The following LRRC27 variants were observed in gnomAD, a reference collection of about 807,000 sequenced individuals.
LRRC27 encodes the protein leucine rich repeat containing 27, also known as leucine-rich repeat-containing protein 27.
A neutral mutation model predicts 55.0 loss-of-function variants in LRRC27; 57 were observed. That is an observed-to-expected ratio of 1.04 (90% CI 0.84 to 1.29). The LOEUF is 1.29. Ranked by LOEUF, LRRC27 falls within the 50% of genes most tolerant of loss-of-function variation. The probability of loss-of-function intolerance (pLI) is 0.00; values close to 1 mark genes in which losing one functional copy is unlikely to be tolerated. For missense variants in LRRC27, 721 were observed against 651.5 expected (o/e 1.11, Z -1.16); for synonymous variants, 278 against 251.9 (o/e 1.10, Z -0.98).
At chr10:132,345,735 A>G (rs1013519777) in intron 5 of LRRC27, among the ~76,000 whole-genome samples, 5 of 152,206 alleles carry the variant, frequency 3.3e-5, no homozygotes, top group African/African-American at 9.6e-5. Flanking sequence ...CAGCTGGGAC[A>G]AGGATGGAGG....
upstream of LRRC27, chr10:132,330,136 T>C: frequency 2.9e-6 from 1 of 340,720 alleles, no homozygotes; most frequent in Non-Finnish European, 5.6e-6. Context: ...AGGCTACCAA[T>C]GGATACAATC....
At chr10:132,346,952 G>A (rs1239100647) in intron 5 of LRRC27, among the ~76,000 whole-genome samples, 6 of 152,206 alleles carry the variant, frequency 3.9e-5, no homozygotes, top group Non-Finnish European at 5.9e-5. Flanking sequence ...ATGTCCATGC[G>A]CCTGTGTCCA....
At chr10:132,333,358 G>A (rs1590570368) in intron 1 of LRRC27, 119 bp from the exon 2 acceptor site, 2 of 418,268 alleles carry the variant, frequency 4.8e-6, no homozygotes, top group East Asian at 7.2e-5. Context: ...TTTTGCTACT[G>A]CTTAGGAAAA....
At chr10:132,343,873 G>A (rs1261851225) in intron 4 of LRRC27, among the ~76,000 whole-genome samples, 1 of 152,222 alleles carries the variant, frequency 6.6e-6, no homozygotes, top group Non-Finnish European at 1.5e-5. Context: ...AGCCTGGGGA[G>A]TGAGCCAGCC....
chr10:132,337,515 A>G, intron 2 of LRRC27, 50 bp from the exon 3 acceptor site: 2 of 1,604,468 alleles, frequency 1.2e-6, no homozygotes, highest in Middle Eastern at 3.3e-4. Context: ...ATCATGTTTT[A>G]CAAATTAGTT....
At chr10:132,365,601 G>C (rs1305482545) in intron 10 of LRRC27, 51 bp downstream of exon 10, 1 of 1,592,508 alleles carries the variant, frequency 6.3e-7, no homozygotes, top group Non-Finnish European at 8.5e-7. Flanking sequence ...TTTTTGTTTT[G>C]TTTTGTTTTT....
intron 10 of LRRC27, among the ~76,000 whole-genome samples, chr10:132,369,701 ACT>A (rs1434359844): frequency 6.6e-6 from 1 of 152,078 alleles, no homozygotes; most frequent in Non-Finnish European, 1.5e-5. Context: ...TCGACTGTGG[ACT>A]CTGAGTGGTG....
At chr10:132,352,465 CTG>C (rs2068088379) in intron 7 of LRRC27, among the ~76,000 whole-genome samples, 1 of 66,238 alleles carries the variant, frequency 1.5e-5, no homozygotes, top group East Asian at 4.5e-4. Context: ...GGGGCAGGCG[CTG>C]AGGCCTCCGT....
chr10:132,372,349 C>T lies in LRRC27; in HGVS notation c.1417-2717C>T, dbSNP rs2069239801. Reference sequence around the variant, plus strand: ...TGGGAGGCCAAGGCAGGTGAATCACCTGAGGTCAGGAGTTTGAGACCAACC... The same window carrying T: ...TGGGAGGCCAAGGCAGGTGAATCACTTGAGGTCAGGAGTTTGAGACCAACC... On this transcript the variant is annotated intron_variant, in intron 10 of 10. Coordinates refer to ENST00000368614, the MANE Select transcript of LRRC27 (RefSeq NM_030626.3). The surrounding 1 kb of genome is among the most constrained non-coding windows in gnomAD (Gnocchi z 4.0). Among the ~76,000 whole-genome samples, 1 of 152,214 alleles carries T rather than the reference C, an allele frequency of 6.6e-6. No homozygotes were observed. The highest frequency in any genetic ancestry group is 1.5e-5 in the Non-Finnish European group (1 of 68,036).
chr10:132,355,761 C>A, intron 7 of LRRC27, 29 bp from the exon 8 acceptor site: 2 of 1,502,684 alleles, frequency 1.3e-6, no homozygotes, highest in Non-Finnish European at 1.8e-6. Flanking sequence ...CTGCCTGTAA[C>A]TTATGACATT....
rs1590740819 is a variant in LRRC27 at position 132,374,575 on chromosome 10, T to C, written c.1417-491T>C. ...TTCCTTCTCCTGTAGGAACCCCTGA[T>C]CCACAGCTTCTGTGTCTGTGGGGTG... On this transcript the variant is annotated intron_variant, in intron 10 of 10. Transcript: ENST00000368614. This position sits in a 1 kb window ranked among gnomAD's most constrained non-coding sequence, Gnocchi z 4.4. Among the ~76,000 whole-genome samples, 1 of 152,334 alleles carries C rather than the reference T, an allele frequency of 6.6e-6. No individual in the cohort carries two copies. Among genetic ancestry groups the C allele is most frequent in the East Asian group, 1.9e-4 (1 of 5,184 alleles).
intron 10 of LRRC27, among the ~76,000 whole-genome samples, chr10:132,373,951 C>G (rs1409098666): frequency 1.3e-5 from 2 of 152,224 alleles, no homozygotes; most frequent in African/African-American, 2.4e-5. Flanking sequence ...AATTCGTTAT[C>G]AATGACTACT....
Position 132,337,571 on chromosome 10 carries a change from C to T in LRRC27, c.217C>T (p.His73Tyr), listed in dbSNP as rs1193728149. The T allele has an allele frequency of 6.2e-7, 1 of 1,612,610 alleles. No individual in the cohort carries two copies. The highest frequency in any genetic ancestry group is 8.5e-7 in the Non-Finnish European group (1 of 1,179,498). ...VFRIPSLQQL[H>Y]LQRNALCVIP... Reference sequence around the variant, plus strand: ...ATTCTCTTTTCCATGGAAGCAATTGCATCTGCAAAGGAATGCCCTGTGTGT... The same window carrying T: ...ATTCTCTTTTCCATGGAAGCAATTGTATCTGCAAAGGAATGCCCTGTGTGT... Residue 73 changes from histidine to tyrosine, a missense_variant, in exon 3 of 11, where the codon CAT becomes TAT. His to Tyr is a moderately conservative substitution (Grantham distance 83). Coordinates refer to ENST00000368614, the MANE Select transcript of LRRC27 (RefSeq NM_030626.3).
chr10:132,364,705 C>T lies in LRRC27; in HGVS notation c.1290-719C>T, dbSNP rs1276305152. Among the ~76,000 whole-genome samples, 9 of 37,348 alleles carry T rather than the reference C, an allele frequency of 2.4e-4. 2 individuals carry two copies. Among genetic ancestry groups the T allele is most frequent in the Admixed American group, 4.8e-4 (1 of 2,086 alleles). The allele number at this position is 37,348 out of a possible 152,430, so 24.5% of individuals were successfully genotyped here. On this transcript the variant is annotated intron_variant, in intron 9 of 10. Transcript: ENST00000368614. Reference sequence around the variant, plus strand: ...ACACCCACGTCCACACCGTGGGGCCCCACACTCATGCAGTCCGCGTCCACA... The same window carrying T: ...ACACCCACGTCCACACCGTGGGGCCTCACACTCATGCAGTCCGCGTCCACA...
chr10:132,333,651 A>G lies in LRRC27; in HGVS notation c.127A>G (p.Ile43Val), dbSNP rs778774055. The change falls in exon 2 of 11, where the codon ATC (isoleucine) becomes GTC (valine). Residue 43 changes from isoleucine to valine, a missense_variant. By Grantham distance (29) the Ile-to-Val change is conservative. Coordinates refer to ENST00000368614, the MANE Select transcript of LRRC27 (RefSeq NM_030626.3). ...KDVHKGVGGI[I>V]FSSSPILDLS... ...TGTTCACAAGGGTGTTGGAGGCATC[A>G]TCTTTTCCTCCTCACCGATTTTAGA... is the stretch of plus-strand genomic sequence containing the variant. 7.4e-6 allele frequency: 12 copies of G among 1,613,636 alleles called. No homozygotes were observed. The highest frequency in any genetic ancestry group is 1.0e-5 in the Non-Finnish European group (12 of 1,180,008).
At chr10:132,360,853 G>T (rs953763726) in intron 8 of LRRC27, among the ~76,000 whole-genome samples, 1 of 152,200 alleles carries the variant, frequency 6.6e-6, no homozygotes, top group African/African-American at 2.4e-5. Context: ...GTTTCTGACA[G>T]TCCCCGGGAA....
chr10:132,353,409 T>C, intron 7 of LRRC27: 1 of 1,028,500 alleles, frequency 9.7e-7, no homozygotes, highest in Non-Finnish European at 1.2e-6. Context: ...CCGTTGTGTG[T>C]GTGCTGTTTT....
chr10:132,373,571 G>T (rs1012909877), intron 10 of LRRC27, among the ~76,000 whole-genome samples: 4 of 152,202 alleles, frequency 2.6e-5, no homozygotes, highest in African/African-American at 4.8e-5. Flanking sequence ...AAGGTCAGGG[G>T]TCAGCACACA....
intron 10 of LRRC27, among the ~76,000 whole-genome samples, chr10:132,366,121 CCTG>C (rs2069067252): frequency 6.6e-6 from 1 of 152,232 alleles, no homozygotes; most frequent in Non-Finnish European, 1.5e-5. Flanking sequence ...GGAGTGGCAG[CCTG>C]CTGACAGGGA....
Sources: gnomAD v4.1 joint callset for allele counts (sites outside exome capture counted in the v4.1 genomes callset) on GRCh38, gnomAD v4.1.1 for gene constraint, Gnocchi (gnomAD v3.1) non-coding constraint, MANE v1.5 for transcripts, NCBI Gene and HGNC (gene_info 2026-07-23, HGNC 2026-07-21) for gene names.